The following MALRD1 variants were observed in gnomAD, a reference collection of about 807,000 sequenced individuals.
MALRD1 encodes MAM and LDL-receptor class A domain-containing protein 1.
MALRD1 carries 247 observed loss-of-function variants against 242.1 expected under a neutral mutation model. The observed-to-expected ratio is 1.02, with a 90% CI of 0.92 to 1.13. The LOEUF (loss-of-function observed/expected upper bound fraction) is 1.13, where lower values mean the gene tolerates loss of function less well. Among genes scored for constraint, MALRD1 ranks in the 50% most tolerant of loss-of-function variants. MALRD1 has a pLI of 0.00. For missense variants in MALRD1, 2,989 were observed against 2,533.1 expected (o/e 1.18, Z -3.86); for synonymous variants, 995 against 866.6 (o/e 1.15, Z -2.60).
intron 21 of MALRD1, among the ~76,000 whole-genome samples, chr10:19,305,787 T>C (rs1259548293): frequency 7.0e-6 from 1 of 142,296 alleles, no homozygotes; most frequent in Non-Finnish European, 1.5e-5. Flanking sequence ...CTATATATTA[T>C]ATATATACCA....
chr10:19,330,734 A>G (rs1843325137), intron 23 of MALRD1, among the ~76,000 whole-genome samples: 1 of 152,172 alleles, frequency 6.6e-6, no homozygotes, highest in African/African-American at 2.4e-5. Context: ...ATTCTTCCTG[A>G]TTCTACTGAA....
At chr10:19,373,995 G>A (rs1049269248) in intron 26 of MALRD1, among the ~76,000 whole-genome samples, 29 of 152,164 alleles carry the variant, frequency 1.9e-4, no homozygotes, top group African/African-American at 6.5e-4. Flanking sequence ...TGCTCTCTTA[G>A]CATAAATTAT....
At chr10:19,050,962 TGGAA>T (rs1444534424) in intron 1 of MALRD1, among the ~76,000 whole-genome samples, 1 of 152,220 alleles carries the variant, frequency 6.6e-6, no homozygotes, top group Non-Finnish European at 1.5e-5. Flanking sequence ...CATACAGCCT[TGGAA>T]GGAAGTGAAG....
At chr10:19,279,622 T>C (rs1373989448) in intron 19 of MALRD1, among the ~76,000 whole-genome samples, 1 of 152,222 alleles carries the variant, frequency 6.6e-6, no homozygotes, top group Non-Finnish European at 1.5e-5. Context: ...GAAAATATGT[T>C]AAACAAAGAT....
chr10:19,711,700 CA>C (rs1834128421), intron 38 of MALRD1, among the ~76,000 whole-genome samples: 1 of 152,168 alleles, frequency 6.6e-6, no homozygotes, highest in African/African-American at 2.4e-5. Flanking sequence ...CAGACTGTGA[CA>C]GGGAATTGTT....
intron 8 of MALRD1, among the ~76,000 whole-genome samples, chr10:19,130,141 T>C (rs1833043273): frequency 6.6e-6 from 1 of 152,088 alleles, no homozygotes; most frequent in African/African-American, 2.4e-5. Flanking sequence ...TTTCATTCCA[T>C]TTGGTAACGT....
At chr10:19,328,110 C>T (rs1314435203) in intron 23 of MALRD1, among the ~76,000 whole-genome samples, 1 of 151,956 alleles carries the variant, frequency 6.6e-6, no homozygotes, top group Non-Finnish European at 1.5e-5. Context: ...TTTTGGGGGG[C>T]ACAGTATTGT....
intron 29 of MALRD1, among the ~76,000 whole-genome samples, chr10:19,456,378 A>G (rs56313429): frequency 0.086 from 13,136 of 152,106 alleles, 755 homozygotes; most frequent in Non-Finnish European, 0.14. Context: ...AACTGTATGT[A>G]TGACTCCTGA....
chr10:19,087,504 A>G (rs1009168683), intron 2 of MALRD1, among the ~76,000 whole-genome samples: 3 of 151,382 alleles, frequency 2.0e-5, no homozygotes, highest in Non-Finnish European at 2.9e-5. Context: ...GGCGCCTTAA[A>G]TTCACCAGTG....
intron 14 of MALRD1, among the ~76,000 whole-genome samples, chr10:19,188,651 C>A (rs1380812870): frequency 6.6e-6 from 1 of 152,100 alleles, no homozygotes; most frequent in Admixed American, 6.6e-5. Context: ...TTGATATGTG[C>A]AAATCTTTAT....
chr10:19,239,365 GTTGT>G (rs1202856878), intron 18 of MALRD1, among the ~76,000 whole-genome samples: 4 of 152,046 alleles, frequency 2.6e-5, no homozygotes, highest in Admixed American at 2.0e-4. Flanking sequence ...TTGCTGTTGA[GTTGT>G]TTAAGTTTCT....
In MALRD1 at chr10:19,146,204, A is replaced by G. The variant is rs1010106712; in HGVS notation, c.1418A>G (p.His473Arg). The change falls in exon 11 of 40, where the codon CAT becomes CGT. Residue 473 changes from histidine to arginine, a missense_variant. Coordinates refer to ENST00000454679, the MANE Select transcript of MALRD1 (RefSeq NM_001142308.3). ...TCTCTTCTACGTGTAACAGCAAAGC[A>G]TCTCACCTGTGACTTTGAGTCGGGT... is the stretch of plus-strand genomic sequence containing the variant. Reference protein sequence around the residue: ...SDEDPATCSKHLTCDFESGFC... With the variant: ...SDEDPATCSKRLTCDFESGFC... The G allele has an allele frequency of 2.0e-5, 25 of 1,231,518 alleles. No individual in the cohort carries two copies. The highest frequency in any genetic ancestry group is 2.4e-5 in the Non-Finnish European group (24 of 987,942). The allele number at this position is 1,231,518 out of a possible 1,614,324, so 76.3% of individuals were successfully genotyped here.
At chr10:19,323,338 T>C (rs1183252795) in intron 21 of MALRD1, among the ~76,000 whole-genome samples, 2 of 152,102 alleles carry the variant, frequency 1.3e-5, no homozygotes, top group African/African-American at 4.8e-5. Flanking sequence ...TAAAATGAGC[T>C]CTAAAAAGCT....
Position 19,389,502 on chromosome 10 carries a change from GCA to G in MALRD1, c.4742_4743del (p.His1581LeufsTer47), listed in dbSNP as rs566520580. ...ATAVGLRGDK[A>X]HFRSTMWRES... is the part of the protein sequence containing the mutation. ...TGCAGTGGGCCTTCGGGGTGACAAA[GCA>G]CACTTCAGGAGTACCATGTGGCGAG... On this transcript the variant is annotated frameshift_variant, in exon 28 of 40. Coordinates refer to ENST00000454679, the MANE Select transcript of MALRD1 (RefSeq NM_001142308.3). LOFTEE classifies it high-confidence loss of function. 3.9e-4 allele frequency: 611 copies of G among 1,550,588 alleles called. 3 individuals are homozygous for G. The African/African-American group carries it at 7.6e-3, about 19-fold the overall frequency.
intron 29 of MALRD1, among the ~76,000 whole-genome samples, chr10:19,476,989 C>T (rs192341540): frequency 3.2e-4 from 48 of 152,188 alleles, no homozygotes; most frequent in African/African-American, 1.1e-3. Context: ...GGTATTCCAA[C>T]ATCTCATTTT....
chr10:19,183,981 G>A (rs1051321956), intron 14 of MALRD1, among the ~76,000 whole-genome samples: 1 of 152,090 alleles, frequency 6.6e-6, no homozygotes, highest in Non-Finnish European at 1.5e-5. Flanking sequence ...TTTTATTTAT[G>A]ATAACTGAAG....
intron 5 of MALRD1, among the ~76,000 whole-genome samples, chr10:19,110,757 C>G (rs1287629106): frequency 6.6e-6 from 1 of 152,152 alleles, no homozygotes; most frequent in Non-Finnish European, 1.5e-5. Context: ...ATCCCTTCAG[C>G]AATGTCTTTA....
intron 2 of MALRD1, among the ~76,000 whole-genome samples, chr10:19,083,815 T>A (rs1835572862): frequency 6.6e-6 from 1 of 151,976 alleles, no homozygotes; most frequent in African/African-American, 2.4e-5. Context: ...CACCATTTTT[T>A]AAAACTGAGA....
At chr10:19,316,822 C>CA (rs1264495089) in intron 21 of MALRD1, among the ~76,000 whole-genome samples, 2 of 151,374 alleles carry the variant, frequency 1.3e-5, no homozygotes, top group Admixed American at 6.6e-5. Flanking sequence ...TTAATGGGTA[C>CA]AAAAAAATAG....
Sources: gnomAD v4.1 joint callset for allele counts (sites outside exome capture counted in the v4.1 genomes callset) on GRCh38, gnomAD v4.1.1 for gene constraint, MANE v1.5 for transcripts, NCBI Gene and HGNC (gene_info 2026-07-23, HGNC 2026-07-21) for gene names.